TAFA5: variants seen among roughly 807,000 people sequenced by gnomAD.
TAFA5 encodes chemokine-like protein TAFA-5.
TAFA5 carries 6 observed loss-of-function variants against 15.3 expected under a neutral mutation model. The observed-to-expected ratio is 0.39, with a 90% CI of 0.21 to 0.77. The LOEUF (loss-of-function observed/expected upper bound fraction) is 0.77, where lower values mean the gene tolerates loss of function less well. Ranked by LOEUF, TAFA5 falls within the 30% of genes least tolerant of loss-of-function variation. TAFA5 has a pLI of 0.41. For synonymous variants in TAFA5, 103 were observed against 80.7 expected (o/e 1.28, Z -1.48); for missense variants, 161 against 193.1 (o/e 0.83, Z 0.98).
intron 1 of TAFA5, among the ~76,000 whole-genome samples, chr22:48,629,420 C>T (rs990718452): frequency 1.3e-5 from 2 of 152,228 alleles, no homozygotes; most frequent in African/African-American, 4.8e-5. Flanking sequence ...TGCCTCCAGG[C>T]CCCCCTCCGG....
intron 3 of TAFA5, among the ~76,000 whole-genome samples, chr22:48,745,768 C>T (rs1475502468): frequency 6.6e-6 from 1 of 152,146 alleles, no homozygotes; most frequent in Non-Finnish European, 1.5e-5. Flanking sequence ...TCAGCACCGG[C>T]CCAAAGATTT....
chr22:48,670,603 G>A (rs757482078), intron 2 of TAFA5, among the ~76,000 whole-genome samples: 1 of 152,260 alleles, frequency 6.6e-6, no homozygotes, highest in Non-Finnish European at 1.5e-5. Context: ...AGGAGCAGTA[G>A]CCGCGTGGCC....
chr22:48,680,858 A>G (rs546572371), intron 2 of TAFA5, among the ~76,000 whole-genome samples: 1 of 152,312 alleles, frequency 6.6e-6, no homozygotes, highest in African/African-American at 2.4e-5. Flanking sequence ...TGGGCCGGGC[A>G]CACCAAGCTG....
intron 2 of TAFA5, among the ~76,000 whole-genome samples, chr22:48,665,743 C>T (rs1927586988): frequency 6.6e-6 from 1 of 152,198 alleles, no homozygotes; most frequent in Non-Finnish European, 1.5e-5. Context: ...ATCTAATTAG[C>T]TAATTATCTT....
chr22:48,606,333 G>T (rs1157045551), intron 1 of TAFA5, among the ~76,000 whole-genome samples: 2 of 152,196 alleles, frequency 1.3e-5, no homozygotes, highest in African/African-American at 2.4e-5. Context: ...AGACTGAGTG[G>T]ATCTCAGCCC....
chr22:48,667,513 A>G (rs115590661), intron 2 of TAFA5, among the ~76,000 whole-genome samples: 2,057 of 152,252 alleles, frequency 0.014, 46 homozygotes, highest in East Asian at 0.066. Context: ...CTTCCACGTG[A>G]GTGCCCCTCC....
chr22:48,734,252 G>C (rs1377504806), intron 3 of TAFA5, among the ~76,000 whole-genome samples: 1 of 151,990 alleles, frequency 6.6e-6, no homozygotes, highest in African/African-American at 2.4e-5. Flanking sequence ...AATGAGAAAA[G>C]TCTGGAACAA....
At chr22:48,593,297 C>T (rs901176198) in intron 1 of TAFA5, among the ~76,000 whole-genome samples, 2 of 152,180 alleles carry the variant, frequency 1.3e-5, no homozygotes, top group Non-Finnish European at 2.9e-5. Context: ...TGGTCGGGCC[C>T]AGCCCCTCCA....
intron 1 of TAFA5, among the ~76,000 whole-genome samples, chr22:48,502,670 C>T (rs558473510): frequency 1.6e-4 from 25 of 151,940 alleles, no homozygotes; most frequent in Non-Finnish European, 2.2e-4. Flanking sequence ...TACAGGCGCC[C>T]GCCACCACAC....
At position 48,707,741 on chromosome 22, in the gene TAFA5, G is replaced by T. The variant is rs1480297194; in HGVS notation, c.287G>T (p.Trp96Leu). ...GCAAGAATCATCAAGACCAAGCAGT[G>T]GTGTGACATGCTTCCGTGTCTGGAG... is the stretch of plus-strand genomic sequence containing the variant. ...VDARIIKTKQ[W>L]CDMLPCLEGE... The change falls in exon 3 of 4, where the codon TGG becomes TTG. Residue 96 changes from tryptophan (W) to leucine (L), a missense_variant. Trp to Leu is a moderately conservative substitution (Grantham distance 61). Transcript: ENST00000402357. 6.2e-7 allele frequency: 1 copy of T among 1,613,796 alleles called. No individual in the cohort carries two copies. The highest frequency in any genetic ancestry group is 1.7e-5 in the Admixed American group (1 of 60,000).
At chr22:48,707,867 G>A (rs373594129) in intron 3 of TAFA5, 23 bp downstream of exon 3, 23 of 1,607,710 alleles carry the variant, frequency 1.4e-5, no homozygotes, top group East Asian at 8.9e-5. Flanking sequence ...CGGCTTTCTC[G>A]TGGGTGTGCT....
intron 2 of TAFA5, among the ~76,000 whole-genome samples, chr22:48,688,101 G>C (rs1368177753): frequency 7.1e-6 from 1 of 140,334 alleles, no homozygotes; most frequent in Admixed American, 6.9e-5. Context: ...TGTGTTTTGG[G>C]GTTTTTTTTT....
rs116167948 is a variant in TAFA5, at chr22:48,684,265, C to T, written c.263-23452C>T. On this transcript the variant is annotated intron_variant, in intron 2 of 3. Coordinates refer to ENST00000402357, the MANE Select transcript of TAFA5 (RefSeq NM_001082967.3). ...TGGGATCAGGGGTTTGCTCACAGGACGGTGATCTTTGGAGGCTTTGTGGGG... is the reference window on the plus strand; with the variant it reads ...TGGGATCAGGGGTTTGCTCACAGGATGGTGATCTTTGGAGGCTTTGTGGGG... Among the ~76,000 whole-genome samples the T allele has an allele frequency of 4.3e-3, 647 of 152,080 alleles. 5 individuals carry two copies. Among genetic ancestry groups the T allele is most frequent in the African/African-American group, 0.015 (621 of 41,490 alleles).
intron 1 of TAFA5, chr22:48,576,275 C>T (rs1193955510): frequency 2.6e-6 from 2 of 782,456 alleles, no homozygotes; most frequent in African/African-American, 1.8e-5. Flanking sequence ...GCGCCCCCCT[C>T]CCCCCGCCCG....
intron 1 of TAFA5, among the ~76,000 whole-genome samples, chr22:48,624,481 C>T (rs1228725737): frequency 6.6e-6 from 1 of 152,200 alleles, no homozygotes; most frequent in Non-Finnish European, 1.5e-5. Flanking sequence ...CGGAGACATG[C>T]GTTTTCTCCC....
intron 1 of TAFA5, among the ~76,000 whole-genome samples, chr22:48,584,355 C>T (rs936220144): frequency 1.1e-4 from 16 of 146,362 alleles, no homozygotes; most frequent in Admixed American, 7.5e-4. Flanking sequence ...CCACACACAC[C>T]GTGCACCACA....
intron 1 of TAFA5, among the ~76,000 whole-genome samples, chr22:48,502,955 T>C (rs1192244311): frequency 2.0e-5 from 3 of 152,226 alleles, no homozygotes; most frequent in Non-Finnish European, 2.9e-5. Context: ...ATAGGACTCA[T>C]GTTCATTTAT....
chr22:48,658,215 C>T (rs1473832786), intron 2 of TAFA5, among the ~76,000 whole-genome samples: 2 of 151,724 alleles, frequency 1.3e-5, no homozygotes, highest in South Asian at 2.1e-4. Flanking sequence ...CGAAACTCAG[C>T]CCCACAAACA....
At chr22:48,674,026 CCT>C (rs1223001125) in intron 2 of TAFA5, among the ~76,000 whole-genome samples, 1 of 148,044 alleles carries the variant, frequency 6.8e-6, no homozygotes, top group Non-Finnish European at 1.5e-5. Context: ...CATCTGGACT[CCT>C]CTTCGCCCGC....
Sources: gnomAD v4.1 joint callset for allele counts (sites outside exome capture counted in the v4.1 genomes callset) on GRCh38, gnomAD v4.1.1 for gene constraint, MANE v1.5 for transcripts, NCBI Gene and HGNC (gene_info 2026-07-23, HGNC 2026-07-21) for gene names.